The following MCCC1 variants were observed in gnomAD, a reference collection of about 807,000 sequenced individuals.
MCCC1 encodes methylcrotonoyl-CoA carboxylase subunit alpha, mitochondrial.
Under a neutral mutation model 83.8 loss-of-function variants are expected in MCCC1, and 64 were observed. The ratio of observed to expected loss-of-function variants is 0.76; its 90% confidence interval spans 0.62 to 0.94. The LOEUF (loss-of-function observed/expected upper bound fraction) is 0.94, where lower values mean the gene tolerates loss of function less well. MCCC1 is among the 40% of genes least tolerant of loss of function. The pLI, the probability that MCCC1 is intolerant of heterozygous loss-of-function variation, is 0.00. For missense variants in MCCC1, 807 were observed against 904.7 expected, an observed-to-expected ratio of 0.89 and a Z score of 1.39; for synonymous variants, 322 against 315.4, an observed-to-expected ratio of 1.02 and a Z score of -0.22.
intron 14 of MCCC1, among the ~76,000 whole-genome samples, chr3:183,031,112 G>A (rs1202072849): frequency 6.6e-6 from 1 of 152,178 alleles, no homozygotes; most frequent in Non-Finnish European, 1.5e-5. Context: ...ATCCTGGAGT[G>A]TGGGTTCAAA....
intron 4 of MCCC1, among the ~76,000 whole-genome samples, chr3:183,082,210 C>G (rs906854469): frequency 1.3e-5 from 2 of 152,178 alleles, no homozygotes; most frequent in African/African-American, 4.8e-5. Flanking sequence ...ATACTTAAAA[C>G]ATATGGGTTT....
chr3:183,034,235 G>T (rs1323260234), intron 13 of MCCC1, among the ~76,000 whole-genome samples, 158 bp from the exon 14 acceptor site: 2 of 152,120 alleles, frequency 1.3e-5, no homozygotes, highest in East Asian at 1.9e-4. Context: ...CGGATCATGA[G>T]GTCAGGAGAT....
chr3:183,037,385 TGGCCA>T lies in MCCC1; in HGVS notation c.1422_1426del (p.Gly475ProfsTer4), dbSNP rs1560219892. Reference sequence around the variant, plus strand: ...CACGTTCCCAGCTTCAAACTCTGGGTGGCCAGACAGGTTGAGTAAGAAGTCAATGT... The same window carrying T: ...CACGTTCCCAGCTTCAAACTCTGGGTGACAGGTTGAGTAAGAAGTCAATGT... On this transcript the variant is annotated frameshift_variant, in exon 13 of 19. Transcript: ENST00000265594. LOFTEE classifies it high-confidence loss of function. 6.2e-7 allele frequency: 1 copy of T among 1,614,136 alleles called. No individual in the cohort carries two copies. The highest frequency in any genetic ancestry group is 1.3e-5 in the African/African-American group (1 of 75,016).
chr3:183,039,285 T>G, intron 11 of MCCC1, 150 bp from the exon 12 acceptor site: 1 of 884,868 alleles, frequency 1.1e-6, no homozygotes, highest in Non-Finnish European at 1.8e-6. Context: ...ATGAGGACCC[T>G]GAGGTTCAGA....
intron 4 of MCCC1, among the ~76,000 whole-genome samples, chr3:183,084,794 A>G (rs537167281): frequency 6.6e-6 from 1 of 152,022 alleles, no homozygotes; most frequent in Non-Finnish European, 1.5e-5. Context: ...TGGTGATGCA[A>G]GCCTGTAGCT....
At chr3:183,072,538 A>C in intron 4 of MCCC1, 51 bp from the exon 5 acceptor site, 1 of 1,605,826 alleles carries the variant, frequency 6.2e-7, no homozygotes, top group Non-Finnish European at 8.5e-7. Context: ...CTCAACTGGC[A>C]ACACCTTAAT....
At chr3:183,074,882 A>C (rs1167159532) in intron 4 of MCCC1, among the ~76,000 whole-genome samples, 1 of 152,138 alleles carries the variant, frequency 6.6e-6, no homozygotes. Context: ...TTCCCCACTC[A>C]GGTAGACCCC....
intron 15 of MCCC1, among the ~76,000 whole-genome samples, chr3:183,024,188 T>A (rs1169585690): frequency 2.6e-5 from 4 of 152,022 alleles, no homozygotes; most frequent in African/African-American, 9.7e-5. Context: ...AGGTGGGGGT[T>A]GTGGTGAGCC....
At chr3:183,106,105 A>C (rs1719399696) in intron 1 of MCCC1, among the ~76,000 whole-genome samples, 1 of 148,592 alleles carries the variant, frequency 6.7e-6, no homozygotes, top group African/African-American at 2.5e-5. Context: ...AAGACTACCA[A>C]AACTACAACC....
chr3:183,111,670 A>G (rs568859171), intron 1 of MCCC1, among the ~76,000 whole-genome samples: 1 of 152,326 alleles, frequency 6.6e-6, no homozygotes, highest in African/African-American at 2.4e-5. Context: ...TGCAGGAAAG[A>G]CCAGGAGGTC....
intron 8 of MCCC1, among the ~76,000 whole-genome samples, chr3:183,055,621 G>C (rs1218900433): frequency 6.6e-6 from 1 of 152,032 alleles, no homozygotes; most frequent in Non-Finnish European, 1.5e-5. Context: ...TTCAGGCTGA[G>C]CACAGTGGCT....
intron 4 of MCCC1, among the ~76,000 whole-genome samples, chr3:183,084,634 G>A (rs1717756756): frequency 6.6e-6 from 1 of 152,182 alleles, no homozygotes; most frequent in Admixed American, 6.5e-5. Flanking sequence ...ATTTAGTTAA[G>A]GACTTGGCTG....
chr3:183,114,554 G>A (rs758950004), intron 1 of MCCC1, among the ~76,000 whole-genome samples: 4 of 152,194 alleles, frequency 2.6e-5, no homozygotes, highest in Non-Finnish European at 2.9e-5. Context: ...AGGGTGGGGA[G>A]AAACATACAC....
At chr3:183,051,760 T>C (rs1448589308) in intron 9 of MCCC1, among the ~76,000 whole-genome samples, 1 of 138,848 alleles carries the variant, frequency 7.2e-6, no homozygotes, top group Non-Finnish European at 1.6e-5. Context: ...AGCTTGTGTG[T>C]TGGGGGGTAT....
At chr3:183,103,734 C>A (rs568316765), upstream of MCCC1, among the ~76,000 whole-genome samples, 1 of 152,230 alleles carries the variant, frequency 6.6e-6, no homozygotes, top group African/African-American at 2.4e-5. Flanking sequence ...GCCAGTCCCG[C>A]GCCGTGCGCC....
intron 18 of MCCC1, 131 bp downstream of exon 18, chr3:183,017,135 T>C: frequency 2.3e-6 from 2 of 871,982 alleles, no homozygotes; most frequent in East Asian, 2.5e-5. Context: ...TTTTGTTTCC[T>C]ACAATTAATG....
chr3:183,050,561 G>A (rs1213794964), intron 9 of MCCC1, among the ~76,000 whole-genome samples: 1 of 151,898 alleles, frequency 6.6e-6, no homozygotes, highest in Non-Finnish European at 1.5e-5. Context: ...AAAAGTAGCT[G>A]GGTGTGTGAT....
intron 11 of MCCC1, among the ~76,000 whole-genome samples, chr3:183,040,437 A>G (rs1713978591): frequency 6.6e-6 from 1 of 151,678 alleles, no homozygotes; most frequent in Non-Finnish European, 1.5e-5. Flanking sequence ...CTGGCCAGGC[A>G]CGGTGGCTCA....
intron 7 of MCCC1, among the ~76,000 whole-genome samples, chr3:183,058,853 A>T (rs1441255708): frequency 1.3e-5 from 2 of 152,218 alleles, no homozygotes; most frequent in Non-Finnish European, 2.9e-5. Flanking sequence ...TACAGAAGTG[A>T]TCAGCAAATA....
Sources: allele counts gnomAD v4.1 joint callset (sites outside exome capture counted in the v4.1 genomes callset), GRCh38; gene constraint gnomAD v4.1.1; transcripts MANE v1.5; gene names NCBI Gene and HGNC (gene_info 2026-07-23, HGNC 2026-07-21).